Variants in PAM observed in about 807,000 individuals in gnomAD.
PAM encodes peptidyl-glycine alpha-amidating monooxygenase.
Under a neutral mutation model 122.1 loss-of-function variants are expected in PAM, and 72 were observed. The observed-to-expected ratio is 0.59, with a 90% CI of 0.49 to 0.72. PAM has a LOEUF of 0.72. PAM is among the 30% of genes least tolerant of loss of function. The pLI, the probability that PAM is intolerant of heterozygous loss-of-function variation, is 0.00. For synonymous variants in PAM, 389 were observed against 404.4 expected (o/e 0.96, Z 0.46); for missense variants, 1,106 against 1,183.7 (o/e 0.93, Z 0.96).
At chr5:102,813,944 T>C (rs1561516989) in intron 1 of PAM, among the ~76,000 whole-genome samples, 1 of 152,150 alleles carries the variant, frequency 6.6e-6, no homozygotes, top group East Asian at 1.9e-4. Context: ...ACTAGCCAGA[T>C]TGAAAAGCTT....
In PAM at chr5:103,029,179, G is replaced by C; in HGVS notation, c.*114G>C. On this transcript the variant is annotated 3_prime_UTR_variant, in exon 26 of 26. Coordinates refer to ENST00000438793, the MANE Select transcript of PAM (RefSeq NM_001177306.2). Reference sequence around the variant, plus strand: ...TTGTAAACTGTACTAGTCTGTGTGGGACTGTACACACTTTATTTACTTCGT... The same window carrying C: ...TTGTAAACTGTACTAGTCTGTGTGGCACTGTACACACTTTATTTACTTCGT... 1.3e-6 allele frequency: 1 copy of C among 766,008 alleles called. No individual in the cohort carries two copies. Among genetic ancestry groups the C allele is most frequent in the Non-Finnish European group, 2.0e-6 (1 of 503,514 alleles). The allele number at this position is 766,008 out of a possible 1,614,324, so 47.5% of individuals were successfully genotyped here.
intron 7 of PAM, among the ~76,000 whole-genome samples, chr5:102,940,066 G>A (rs1388983752): frequency 2.0e-5 from 3 of 150,504 alleles, no homozygotes; most frequent in Non-Finnish European, 4.4e-5. Context: ...GCACAAAATA[G>A]TTGAGAATTC....
At chr5:103,028,093 T>C in intron 24 of PAM, 92 bp from the exon 25 acceptor site, 1 of 926,092 alleles carries the variant, frequency 1.1e-6, no homozygotes, top group Non-Finnish European at 1.8e-6. Flanking sequence ...GCTTTATCAT[T>C]TACCAGTTCC....
chr5:102,871,704 T>A (rs1787543262), intron 3 of PAM, among the ~76,000 whole-genome samples: 2 of 146,944 alleles, frequency 1.4e-5, no homozygotes, highest in African/African-American at 2.5e-5. Context: ...ATATATAAAA[T>A]ATATATATTA....
intron 20 of PAM, among the ~76,000 whole-genome samples, chr5:103,007,899 C>G (rs1205581833): frequency 6.6e-6 from 1 of 151,986 alleles, no homozygotes; most frequent in African/African-American, 2.4e-5. Context: ...AAAATGTTCC[C>G]AAACATTGAT....
intron 3 of PAM, among the ~76,000 whole-genome samples, chr5:102,889,318 G>A (rs541309077): frequency 1.3e-5 from 2 of 152,048 alleles, no homozygotes; most frequent in Middle Eastern, 3.4e-3. Flanking sequence ...TTTTCTGGTA[G>A]GCAGCAGGTT....
chr5:103,012,816 A>C (rs1011963148), intron 21 of PAM, among the ~76,000 whole-genome samples: 1 of 150,224 alleles, frequency 6.7e-6, no homozygotes, highest in African/African-American at 2.4e-5. Context: ...AGATCGTGCC[A>C]CTGCACTCCA....
intron 11 of PAM, 58 bp from the exon 12 acceptor site, chr5:102,950,659 T>G: frequency 9.8e-7 from 1 of 1,020,578 alleles, no homozygotes; most frequent in Non-Finnish European, 1.5e-6. Context: ...CAGTCAAACA[T>G]GTAGTTCTGG....
At chr5:102,764,070 G>T (rs1449031999) in intron 1 of PAM, among the ~76,000 whole-genome samples, 1 of 151,914 alleles carries the variant, frequency 6.6e-6, no homozygotes, top group African/African-American at 2.4e-5. Flanking sequence ...GTGTTTTGGG[G>T]GGAATACCAT....
intron 1 of PAM, among the ~76,000 whole-genome samples, chr5:102,768,190 T>G (rs1283139410): frequency 6.6e-6 from 1 of 152,074 alleles, no homozygotes; most frequent in African/African-American, 2.4e-5. Flanking sequence ...CTTTTAAAAA[T>G]TTTTCTAAAT....
chr5:102,945,084 A>G (rs1372275553), intron 7 of PAM, among the ~76,000 whole-genome samples: 2 of 152,136 alleles, frequency 1.3e-5, no homozygotes, highest in African/African-American at 4.8e-5. Context: ...AATAATAACT[A>G]AGCATTTAGT....
intron 1 of PAM, among the ~76,000 whole-genome samples, chr5:102,771,844 GGGGCTGTGATATGCTAGAA>G (rs1755866613): frequency 6.6e-6 from 1 of 152,126 alleles, no homozygotes; most frequent in South Asian, 2.1e-4. Context: ...TGCCCCTAGA[GGGGCTGTGATATGCTAGAA>G]GGGCTGTGGC....
chr5:102,819,530 A>AT (rs1355790137), intron 1 of PAM, among the ~76,000 whole-genome samples: 1 of 152,006 alleles, frequency 6.6e-6, no homozygotes, highest in Non-Finnish European at 1.5e-5. Flanking sequence ...ATAATATTTT[A>AT]TTTTTTCAGG....
Position 102,925,588 on chromosome 5 carries a change from C to T in PAM, c.442+546C>T, listed in dbSNP as rs150866050. ...AGGTCTGTCGTGGTTCATGGATGAT[C>T]TCGTGATACACATGCACCTCTCTTT... On this transcript the variant is annotated intron_variant, in intron 6 of 25. Coordinates refer to ENST00000438793, the MANE Select transcript of PAM (RefSeq NM_001177306.2). Among the ~76,000 whole-genome samples the T allele has an allele frequency of 1.1e-4, 16 of 152,250 alleles. No homozygotes were observed. In the East Asian group the frequency reaches 3.1e-3, roughly 29 times the overall value.
At chr5:102,843,239 T>G (rs1779105346) in intron 1 of PAM, among the ~76,000 whole-genome samples, 1 of 152,220 alleles carries the variant, frequency 6.6e-6, no homozygotes, top group Admixed American at 6.5e-5. Flanking sequence ...TTTAGTGTAA[T>G]GAATCTCTTT....
intron 1 of PAM, among the ~76,000 whole-genome samples, chr5:102,809,859 A>C (rs2150180042): frequency 6.6e-6 from 1 of 152,306 alleles, no homozygotes; most frequent in East Asian, 1.9e-4. Context: ...AAATGCTTTG[A>C]CTTCATTTCT....
chr5:102,795,363 A>G (rs886339064), intron 1 of PAM, among the ~76,000 whole-genome samples: 1 of 152,122 alleles, frequency 6.6e-6, no homozygotes, highest in Non-Finnish European at 1.5e-5. Flanking sequence ...GCAGGAACCA[A>G]ATGAGACAGG....
At position 103,009,742 on chromosome 5, in the gene PAM, C is replaced by G. The variant is rs372748729; in HGVS notation, c.2216-9C>G. ...TTTAAAGAAAGGTTAACTGGATTTG[C>G]TGTTGCAGGCTTGCTCTTTGCAGTG... On this transcript the variant is annotated splice_polypyrimidine_tract_variant and intron_variant, in intron 20 of 25. Transcript: ENST00000438793. 23 of 1,450,668 alleles carry G rather than the reference C, an allele frequency of 1.6e-5. No homozygotes were observed. The African/African-American group carries it at 2.9e-4, about 18-fold the overall frequency. 89.9% of individuals were successfully genotyped at this position (1,450,668 alleles called of 1,614,324 possible).
intron 7 of PAM, 40 bp downstream of exon 7, chr5:102,926,708 A>G: frequency 1.0e-6 from 1 of 998,912 alleles, no homozygotes; most frequent in Non-Finnish European, 1.6e-6. Context: ...AACTTCTAGT[A>G]CTATATTGTT....
Sources: allele counts gnomAD v4.1 joint callset (sites outside exome capture counted in the v4.1 genomes callset), GRCh38; gene constraint gnomAD v4.1.1; transcripts MANE v1.5; gene names NCBI Gene and HGNC (gene_info 2026-07-23, HGNC 2026-07-21).